The following GLT1D1 variants were observed in gnomAD, a reference collection of about 807,000 sequenced individuals.
GLT1D1 encodes the protein glycosyltransferase 1 domain-containing protein 1.
In GLT1D1, 21 loss-of-function variants were observed where a neutral mutation model predicts 28.7. That is an observed-to-expected ratio of 0.73 (90% confidence interval 0.52 to 1.05). The LOEUF is 1.05. GLT1D1 is among the 50% of genes least tolerant of loss of function. The probability of loss-of-function intolerance (pLI) is 0.00; values close to 1 mark genes in which losing one functional copy is unlikely to be tolerated. For missense variants in GLT1D1, 343 were observed against 330.6 expected, an observed-to-expected ratio of 1.04 and a Z score of -0.29; for synonymous variants, 147 against 124.8, an observed-to-expected ratio of 1.18 and a Z score of -1.19.
chr12:128,965,916 G>C (rs914943736), intron 7 of GLT1D1, among the ~76,000 whole-genome samples: 1 of 133,468 alleles, frequency 7.5e-6, no homozygotes, highest in Admixed American at 7.4e-5. Flanking sequence ...AAGAGAACTA[G>C]CTCCAGGAAG....
intron 6 of GLT1D1, among the ~76,000 whole-genome samples, chr12:128,952,924 A>C (rs1474448953): frequency 6.6e-6 from 1 of 151,676 alleles, no homozygotes; most frequent in Non-Finnish European, 1.5e-5. Context: ...AACCACAGGC[A>C]TGCACCACCA....
intron 7 of GLT1D1, among the ~76,000 whole-genome samples, chr12:128,980,810 G>T (rs1162056933): frequency 3.3e-5 from 5 of 152,208 alleles, no homozygotes; most frequent in African/African-American, 1.2e-4. Flanking sequence ...ACCCGAACAA[G>T]TCAGATTCAT....
At chr12:128,927,999 C>CA (rs938188484) in intron 4 of GLT1D1, among the ~76,000 whole-genome samples, 2,279 of 42,152 alleles carry the variant, frequency 0.054, 564 homozygotes, top group East Asian at 0.1. Context: ...GACTCTGTCT[C>CA]AAAAAAAAAA....
At chr12:128,965,260 A>G (rs1878337857) in intron 7 of GLT1D1, among the ~76,000 whole-genome samples, 1 of 152,236 alleles carries the variant, frequency 6.6e-6, no homozygotes, top group Admixed American at 6.5e-5. Flanking sequence ...AGGGATCCAC[A>G]TGGCAAGGAA....
chr12:128,924,863 T>G (rs1873029760), intron 4 of GLT1D1, among the ~76,000 whole-genome samples: 1 of 152,140 alleles, frequency 6.6e-6, no homozygotes, highest in Non-Finnish European at 1.5e-5. Context: ...CCACTGCCAC[T>G]GACAGCCATT....
intron 5 of GLT1D1, 66 bp from the exon 10 acceptor site, chr12:128,947,272 C>T: frequency 1.9e-6 from 3 of 1,601,620 alleles, no homozygotes; most frequent in Non-Finnish European, 2.6e-6. Flanking sequence ...GTCATCTCTC[C>T]TCCTCCCAGC....
intron 2 of GLT1D1, among the ~76,000 whole-genome samples, chr12:128,888,044 G>A (rs926855225): frequency 3.9e-5 from 6 of 152,162 alleles, no homozygotes; most frequent in Non-Finnish European, 7.3e-5. Flanking sequence ...CACAGGACGC[G>A]TCACTCGGAA....
intron 1 of GLT1D1, among the ~76,000 whole-genome samples, chr12:128,860,801 G>A (rs545689877): frequency 6.6e-6 from 1 of 152,274 alleles, no homozygotes; most frequent in East Asian, 1.9e-4. Context: ...TGGTGAGGTT[G>A]GAAGGAAGAG....
At chr12:128,904,883 C>T (rs1471057554) in intron 4 of GLT1D1, among the ~76,000 whole-genome samples, 4 of 152,172 alleles carry the variant, frequency 2.6e-5, no homozygotes, top group African/African-American at 9.7e-5. Context: ...ATCCACCTGC[C>T]TCGGCCTCCC....
rs147491808 is a variant in GLT1D1, at chr12:128,913,698, C to T, written c.375+14411C>T. On this transcript the variant is annotated intron_variant, in intron 4 of 7. Transcript: ENST00000281703. ...TGCTCAGGCGCACCTTAGTGAGGCACGGCATCCTGTCATCACCGTGTCCTT... is the reference window on the plus strand; with the variant it reads ...TGCTCAGGCGCACCTTAGTGAGGCATGGCATCCTGTCATCACCGTGTCCTT... Among the ~76,000 whole-genome samples the T allele has an allele frequency of 3.5e-3, 537 of 152,346 alleles. 3 individuals carry two copies. Among genetic ancestry groups the T allele is most frequent in the African/African-American group, 0.012 (518 of 41,576 alleles).
At position 128,956,171 on chromosome 12, in the gene GLT1D1, A is replaced by AAAAAAAGAG. The variant is rs374597920; in HGVS notation, c.541-1373_541-1372insAAAAAGAGA. Among the ~76,000 whole-genome samples the AAAAAAAGAG allele has an allele frequency of 2.0e-4, 13 of 63,990 alleles. 1 individual carries two copies. The highest frequency in any genetic ancestry group is 7.3e-4 in the South Asian group (1 of 1,376). 42.0% of individuals were successfully genotyped at this position (63,990 alleles called of 152,430 possible). On this transcript the variant is annotated intron_variant, in intron 6 of 7. Coordinates refer to ENST00000281703, the MANE Select transcript of GLT1D1 (RefSeq NM_144669.3). ...GAGACTCCATCTCAAAAAAAAAAAA[A>AAAAAAAGAG]AGAGAAAGAGAGAAAGAAAGAAAGA...
At chr12:128,890,037 G>C (rs555570791) in intron 3 of GLT1D1, among the ~76,000 whole-genome samples, 1 of 152,212 alleles carries the variant, frequency 6.6e-6, no homozygotes, top group Non-Finnish European at 1.5e-5. Context: ...GCCTCCCAAA[G>C]TGCTGGGATT....
Position 128,942,776 on chromosome 12 carries a change from A to C in GLT1D1, c.376-2550A>C, listed in dbSNP as rs568283011. Among the ~76,000 whole-genome samples, 4 of 134,490 alleles carry C rather than the reference A, an allele frequency of 3.0e-5. No individual in the cohort carries two copies. The East Asian group carries it at 6.0e-4, about 20-fold the overall frequency. 88.2% of individuals were successfully genotyped at this position (134,490 alleles called of 152,430 possible). The stretch of plus-strand genomic sequence containing the variant: ...TTTTTGTTTTTTTTTTTTGAGACAG[A>C]GTCTCGCTCTGCCCCCCAGGCTGGA... On this transcript the variant is annotated intron_variant, in intron 4 of 7. Transcript: ENST00000281703.
intron 4 of GLT1D1, 29 bp from the exon 9 acceptor site, chr12:128,945,297 C>T (rs769030668): frequency 2.9e-5 from 46 of 1,612,910 alleles, no homozygotes; most frequent in African/African-American, 5.3e-5. Context: ...AGGCGGCGAC[C>T]GCTGACATTT....
intron 1 of GLT1D1, among the ~76,000 whole-genome samples, chr12:128,874,122 C>T (rs1233855889): frequency 3.4e-4 from 20 of 58,914 alleles, no homozygotes; most frequent in African/African-American, 1.3e-3. Context: ...CTCTCTCTCT[C>T]TCTCTTTCTT....
chr12:128,858,885 A>G (rs759534630), intron 1 of GLT1D1, among the ~76,000 whole-genome samples: 1 of 152,126 alleles, frequency 6.6e-6, no homozygotes, highest in Non-Finnish European at 1.5e-5. Flanking sequence ...CTTTCTATGG[A>G]TCCCAGGTCT....
intron 2 of GLT1D1, among the ~76,000 whole-genome samples, chr12:128,888,351 T>C (rs1593086257): frequency 6.6e-6 from 1 of 152,202 alleles, no homozygotes; most frequent in Non-Finnish European, 1.5e-5. Context: ...TTGGCTTTGA[T>C]TGATAGATGA....
chr12:128,854,394 C>CGTGTGTGTGTGTGT (rs56655033), intron 1 of GLT1D1, among the ~76,000 whole-genome samples: 8 of 143,952 alleles, frequency 5.6e-5, no homozygotes, highest in East Asian at 2.1e-4. Context: ...TAACAGAAGC[C>CGTGTGTGTGTGTGT]GTGTGTGTGT....
rs138457706 is a variant in GLT1D1 at position 128,874,480 on chromosome 12, CTT to C, written c.69-1415_69-1414del. Among the ~76,000 whole-genome samples, 1,050 of 106,714 alleles carry C rather than the reference CTT, an allele frequency of 9.8e-3. 9 individuals are homozygous for C. Among genetic ancestry groups the C allele is most frequent in the African/African-American group, 0.035 (967 of 27,766 alleles). 70.0% of individuals were successfully genotyped at this position (106,714 alleles called of 152,430 possible). A position where few individuals can be genotyped will look rare whatever the true frequency, so the allele number is the denominator to read the frequency against. Reference sequence around the variant, plus strand: ...TACAGGCTTGAGCCACTGTGGCTGGCTTTTTTTTTTTTTTTTTTTTGAGACAG... The same window carrying C: ...TACAGGCTTGAGCCACTGTGGCTGGCTTTTTTTTTTTTTTTTTTGAGACAG... On this transcript the variant is annotated intron_variant, in intron 1 of 7. Coordinates refer to ENST00000281703, the MANE Select transcript of GLT1D1 (RefSeq NM_144669.3).
Sources: gnomAD v4.1 joint callset for allele counts (sites outside exome capture counted in the v4.1 genomes callset) on GRCh38, gnomAD v4.1.1 for gene constraint, MANE v1.5 for transcripts, NCBI Gene and HGNC (gene_info 2026-07-23, HGNC 2026-07-21) for gene names.